Variants in ZFHX4 observed in about 807,000 individuals in gnomAD.
ZFHX4 encodes the protein zinc finger homeobox protein 4.
Under a neutral mutation model 267.6 loss-of-function variants are expected in ZFHX4, and 56 were observed. The ratio of observed to expected loss-of-function variants is 0.21; its 90% CI spans 0.17 to 0.26. The LOEUF (loss-of-function observed/expected upper bound fraction) is 0.26. Among genes scored for constraint, ZFHX4 ranks in the 10% least tolerant of loss-of-function variants. The pLI, the probability that ZFHX4 is intolerant of heterozygous loss-of-function variation, is 1.00. For synonymous variants in ZFHX4, 1,778 were observed against 1,665.6 expected (o/e 1.07, Z -1.64); for missense variants, 4,332 against 4,420.0 (o/e 0.98, Z 0.56).
chr8:76,730,382 G>C (rs376998852), intron 3 of ZFHX4, among the ~76,000 whole-genome samples: 2 of 152,204 alleles, frequency 1.3e-5, no homozygotes. Flanking sequence ...TTTATTAAGA[G>C]TTTTTCTTCA....
chr8:76,813,939 T>A (rs988086785), intron 4 of ZFHX4, among the ~76,000 whole-genome samples: 3 of 152,208 alleles, frequency 2.0e-5, no homozygotes, highest in Non-Finnish European at 2.9e-5. Flanking sequence ...ATGCAATCTT[T>A]TTTTTTCTTT....
chr8:76,761,735 G>A (rs929641029), intron 3 of ZFHX4, among the ~76,000 whole-genome samples: 11 of 152,168 alleles, frequency 7.2e-5, no homozygotes, highest in African/African-American at 1.7e-4. Context: ...ATCTTGGGAT[G>A]TTTTACAGAG....
intron 10 of ZFHX4, among the ~76,000 whole-genome samples, chr8:76,862,034 T>G (rs1812881885): frequency 6.6e-6 from 1 of 152,188 alleles, no homozygotes; most frequent in African/African-American, 2.4e-5. Flanking sequence ...CTGTTCCTTT[T>G]GCAGTCAACT....
At chr8:76,761,546 C>T (rs1346714018) in intron 3 of ZFHX4, among the ~76,000 whole-genome samples, 2 of 152,080 alleles carry the variant, frequency 1.3e-5, no homozygotes, top group Non-Finnish European at 2.9e-5. Context: ...GATTTATATA[C>T]ATTCTATGTG....
chr8:76,803,108 A>G (rs927427488), intron 4 of ZFHX4, among the ~76,000 whole-genome samples: 32 of 152,282 alleles, frequency 2.1e-4, no homozygotes, highest in Non-Finnish European at 2.4e-4. Context: ...GTCAACCAAC[A>G]GTAAGCAATA....
At chr8:76,746,072 G>A (rs1298223681) in intron 3 of ZFHX4, among the ~76,000 whole-genome samples, 2 of 152,172 alleles carry the variant, frequency 1.3e-5, no homozygotes, top group Non-Finnish European at 2.9e-5. Context: ...TCACCTGGCT[G>A]TAATCCAATT....
intron 3 of ZFHX4, among the ~76,000 whole-genome samples, chr8:76,744,647 A>T (rs900745401): frequency 6.6e-6 from 1 of 152,082 alleles, no homozygotes; most frequent in Non-Finnish European, 1.5e-5. Context: ...TCCTGACCTC[A>T]AGTAATCCGT....
At chr8:76,703,135 A>C (rs534289946) in intron 1 of ZFHX4, among the ~76,000 whole-genome samples, 1 of 152,252 alleles carries the variant, frequency 6.6e-6, no homozygotes, top group Non-Finnish European at 1.5e-5. Context: ...GCTTGCAAAA[A>C]AACTTTAAAA....
chr8:76,778,473 T>C (rs761960222), intron 4 of ZFHX4, 34 bp downstream of exon 4: 3 of 1,530,002 alleles, frequency 2.0e-6, no homozygotes, highest in African/African-American at 2.7e-5. Flanking sequence ...TCTCTGAGCC[T>C]CCCTCCACAC....
rs771227217 is a variant in ZFHX4 at position 76,852,098 on chromosome 8, C to T, written c.5177C>T (p.Pro1726Leu). 3.1e-6 allele frequency: 5 copies of T among 1,613,954 alleles called. No individual in the cohort carries two copies. The highest frequency in any genetic ancestry group is 4.2e-6 in the Non-Finnish European group (5 of 1,179,876). ...PAFLPHFPMT[P>L]EALLQFQQPQ... is the part of the protein sequence containing the mutation. ...TTTTTGCCTCATTTTCCTATGACCC[C>T]AGAAGCACTGCTGCAGTTTCAGCAG... Residue 1726 changes from proline to leucine, a missense_variant, in exon 10 of 11, where the codon CCA becomes CTA. Pro to Leu is a moderately conservative substitution (Grantham distance 98). This residue lies in a region of ZFHX4 where 1,371 missense variants were observed against 1,423.1 expected (regional missense o/e 0.96). Transcript: ENST00000651372.
At chr8:76,721,902 G>A (rs1378342678) in intron 3 of ZFHX4, among the ~76,000 whole-genome samples, 1 of 152,092 alleles carries the variant, frequency 6.6e-6, no homozygotes, top group Non-Finnish European at 1.5e-5. Context: ...GTGTATGGAT[G>A]AACCTAAATA....
intron 1 of ZFHX4, among the ~76,000 whole-genome samples, chr8:76,688,926 T>G (rs1163020482): frequency 6.6e-6 from 1 of 152,074 alleles, no homozygotes; most frequent in African/African-American, 2.4e-5. Context: ...ACTATTAAGA[T>G]GGTTAGATGG....
At chr8:76,738,599 T>TTTCC (rs1181956560) in intron 3 of ZFHX4, among the ~76,000 whole-genome samples, 1 of 130,016 alleles carries the variant, frequency 7.7e-6, no homozygotes, top group Non-Finnish European at 1.6e-5. Flanking sequence ...TTTCTTTCTT[T>TTTCC]TTCCTTCCTT....
At chr8:76,839,911 A>G (rs535377360) in intron 5 of ZFHX4, among the ~76,000 whole-genome samples, 1 of 152,214 alleles carries the variant, frequency 6.6e-6, no homozygotes, top group South Asian at 2.1e-4. Flanking sequence ...CCACATTCAT[A>G]CTCTTGACTC....
intron 3 of ZFHX4, among the ~76,000 whole-genome samples, chr8:76,737,278 T>C (rs747684056): frequency 6.6e-6 from 1 of 152,184 alleles, no homozygotes; most frequent in Non-Finnish European, 1.5e-5. Flanking sequence ...TTTTAAAAAA[T>C]ATTTCGACTT....
chr8:76,771,398 GAATCAGTTTTCTTC>G (rs1810259717), intron 3 of ZFHX4, among the ~76,000 whole-genome samples: 2 of 151,996 alleles, frequency 1.3e-5, no homozygotes, highest in African/African-American at 4.8e-5. Context: ...TTAAATTCAT[GAATCAGTTTTCTTC>G]TCTTTTTTTT....
intron 3 of ZFHX4, among the ~76,000 whole-genome samples, chr8:76,717,597 C>A (rs1287854338): frequency 6.6e-6 from 1 of 152,100 alleles, no homozygotes; most frequent in African/African-American, 2.4e-5. Context: ...GATTTTTATT[C>A]TTTCTTTTTC....
rs147855854 is a variant in ZFHX4 at position 76,825,979 on chromosome 8, G to A, written c.3326-7359G>A. On this transcript the variant is annotated intron_variant, in intron 4 of 10. Transcript: ENST00000651372. ...TAAAGGTACCTTTGTATGTTAGGCC[G>A]TTTTTGCATCACTCTGAAGAAATAT... 5.2e-4 allele frequency among the ~76,000 whole-genome samples: 79 copies of A among 152,196 alleles called. 1 individual carries two copies. Among genetic ancestry groups the A allele is most frequent in the African/African-American group, 1.5e-3 (62 of 41,508 alleles).
intron 5 of ZFHX4, among the ~76,000 whole-genome samples, chr8:76,835,195 C>G (rs1812038306): frequency 1.5e-5 from 1 of 66,060 alleles, no homozygotes; most frequent in African/African-American, 8.5e-5. Context: ...ATCCTCTAAT[C>G]CTTTTGCTTT....
Sources: gnomAD v4.1 joint callset for allele counts (sites outside exome capture counted in the v4.1 genomes callset) on GRCh38, gnomAD v4.1.1 for gene constraint, gnomAD v4.1.1 regional missense constraint, MANE v1.5 for transcripts, NCBI Gene and HGNC (gene_info 2026-07-23, HGNC 2026-07-21) for gene names.